The following MVB12B variants were observed in gnomAD, a reference collection of about 807,000 sequenced individuals.
MVB12B encodes multivesicular body subunit 12B, also known as ESCRT-I complex subunit MVB12B.
Under a neutral mutation model 41.6 loss-of-function variants are expected in MVB12B, and 16 were observed. That is an observed-to-expected ratio of 0.38 (90% CI 0.26 to 0.58). The LOEUF (loss-of-function observed/expected upper bound fraction) is 0.58. Ranked by LOEUF, MVB12B falls within the 20% of genes least tolerant of loss-of-function variation. The probability of loss-of-function intolerance (pLI) is 0.62; values close to 1 mark genes in which losing one functional copy is unlikely to be tolerated. For synonymous variants in MVB12B, 133 were observed against 139.7 expected (o/e 0.95, Z 0.34); for missense variants, 274 against 380.2 (o/e 0.72, Z 2.32).
At chr9:126,471,115 C>T (rs2119190699) in intron 7 of MVB12B, among the ~76,000 whole-genome samples, 1 of 152,218 alleles carries the variant, frequency 6.6e-6, no homozygotes, top group African/African-American at 2.4e-5. Context: ...AGAAGTGGGG[C>T]CTGGTCTAAA....
At chr9:126,466,252 T>C (rs1398219400) in intron 7 of MVB12B, among the ~76,000 whole-genome samples, 1 of 152,210 alleles carries the variant, frequency 6.6e-6, no homozygotes, top group Non-Finnish European at 1.5e-5. Flanking sequence ...TACCTGGGGA[T>C]GCTCGTGTTT....
At chr9:126,384,584 A>G (rs12348752) in intron 3 of MVB12B, among the ~76,000 whole-genome samples, 216 of 152,288 alleles carry the variant, frequency 1.4e-3, no homozygotes, top group African/African-American at 5.0e-3. Flanking sequence ...GCTGGAGTGC[A>G]GTGGCACAAT....
At chr9:126,365,220 A>ATTT (rs71377933) in intron 2 of MVB12B, among the ~76,000 whole-genome samples, 33,705 of 121,902 alleles carry the variant, frequency 0.28, 5,687 homozygotes, top group South Asian at 0.39. Context: ...CACCCAGCTA[A>ATTT]TTTTTTTTTT....
intron 7 of MVB12B, among the ~76,000 whole-genome samples, chr9:126,466,850 CAG>C (rs1833211561): frequency 6.6e-6 from 1 of 151,724 alleles, no homozygotes; most frequent in Admixed American, 6.6e-5. Context: ...TCTTTTGAGA[CAG>C]GGTCTGGCTC....
At chr9:126,345,210 A>G (rs1315033089) in intron 2 of MVB12B, among the ~76,000 whole-genome samples, 3 of 152,146 alleles carry the variant, frequency 2.0e-5, no homozygotes, top group Non-Finnish European at 4.4e-5. Context: ...GGCTGCCTTC[A>G]TCTTGCCTAC....
chr9:126,458,397 C>T (rs1833028529), intron 7 of MVB12B, among the ~76,000 whole-genome samples: 1 of 152,200 alleles, frequency 6.6e-6, no homozygotes, highest in Non-Finnish European at 1.5e-5. Context: ...CTCTGGGCTG[C>T]TCCTTTTGGG....
At chr9:126,432,088 C>A (rs1453222677) in intron 7 of MVB12B, among the ~76,000 whole-genome samples, 2 of 152,182 alleles carry the variant, frequency 1.3e-5, no homozygotes, top group Non-Finnish European at 2.9e-5. Flanking sequence ...ACATTCTGTC[C>A]AAACACTGCC....
At chr9:126,338,588 A>C (rs919502150) in intron 1 of MVB12B, among the ~76,000 whole-genome samples, 1 of 151,810 alleles carries the variant, frequency 6.6e-6, no homozygotes, top group Non-Finnish European at 1.5e-5. Flanking sequence ...AAAAAAAAAA[A>C]AACTTACCTC....
chr9:126,399,938 C>T (rs1406656427), intron 6 of MVB12B, among the ~76,000 whole-genome samples: 1 of 152,152 alleles, frequency 6.6e-6, no homozygotes, highest in East Asian at 1.9e-4. Flanking sequence ...GCGGAGAGGG[C>T]CCCCGAGGTT....
intron 6 of MVB12B, among the ~76,000 whole-genome samples, chr9:126,407,373 CACA>C (rs1228110415): frequency 1.3e-5 from 2 of 152,224 alleles, no homozygotes; most frequent in Non-Finnish European, 2.9e-5. Flanking sequence ...TCTCCCAGCA[CACA>C]ACGAGTGGGA....
chr9:126,502,383 C>T (rs973806611), intron 9 of MVB12B, among the ~76,000 whole-genome samples: 1 of 152,100 alleles, frequency 6.6e-6, no homozygotes, highest in Non-Finnish European at 1.5e-5. Flanking sequence ...GCTCCTAGCC[C>T]CCTCAGAGGT....
rs189859779 is a variant in MVB12B at position 126,504,529 on chromosome 9, G to T, written c.*1266G>T. 1 of 152,604 alleles carries T rather than the reference G, an allele frequency of 6.6e-6. No individual in the cohort carries two copies. Among genetic ancestry groups the T allele is most frequent in the Non-Finnish European group, 1.5e-5 (1 of 68,118 alleles). The allele number at this position is 152,604 out of a possible 1,614,324, so 9.5% of individuals were successfully genotyped here. ...CCGTGGAAGCCTCTGCCTCAGCGGG[G>T]ACGGCCTCCTGCTGCAGGTCCTGGG... On this transcript the variant is annotated 3_prime_UTR_variant, in exon 10 of 10. Transcript: ENST00000361171.
Position 126,376,635 on chromosome 9 carries a change from G to C in MVB12B, c.205-4429G>C. On this transcript the variant is annotated intron_variant, in intron 2 of 9. Transcript: ENST00000361171. This position sits in a 1 kb window ranked among gnomAD's most constrained non-coding sequence, Gnocchi z 4.1. ...GCTGGAAGCAAGAAGGAGGGTAAGC[G>C]CGGGTGGCAGGGAGGGGCCTGCCAT... 1 of 1,289,230 alleles carries C rather than the reference G, an allele frequency of 7.8e-7. No individual in the cohort carries two copies. Among genetic ancestry groups the C allele is most frequent in the Non-Finnish European group, 1.0e-6 (1 of 988,766 alleles). The allele number at this position is 1,289,230 out of a possible 1,614,324, so 79.9% of individuals were successfully genotyped here.
intron 6 of MVB12B, among the ~76,000 whole-genome samples, chr9:126,411,049 G>A (rs7023509): frequency 0.16 from 23,842 of 151,890 alleles, 2,108 homozygotes; most frequent in Middle Eastern, 0.27. Context: ...CACCACGCCC[G>A]GCTAATTTTT....
chr9:126,499,500 GT>G (rs1833906616), intron 9 of MVB12B, among the ~76,000 whole-genome samples: 1 of 152,214 alleles, frequency 6.6e-6, no homozygotes, highest in Non-Finnish European at 1.5e-5. Flanking sequence ...GGAGACTAAT[GT>G]CTTGAGTAAA....
At chr9:126,397,049 C>G (rs1220165385) in intron 6 of MVB12B, 1 of 985,414 alleles carries the variant, frequency 1.0e-6, no homozygotes, top group Non-Finnish European at 1.2e-6. Context: ...AGTCCATCAC[C>G]TGTGTGTCGG....
At chr9:126,476,170 T>C (rs1209695061) in intron 7 of MVB12B, among the ~76,000 whole-genome samples, 1 of 135,968 alleles carries the variant, frequency 7.4e-6, no homozygotes, top group African/African-American at 2.5e-5. Flanking sequence ...CAGTGGCTGC[T>C]GTGCGGCATC....
At chr9:126,449,675 C>T (rs1832856031) in intron 7 of MVB12B, among the ~76,000 whole-genome samples, 1 of 152,204 alleles carries the variant, frequency 6.6e-6, no homozygotes, top group Non-Finnish European at 1.5e-5. Context: ...TATGCTTAGG[C>T]TGGGGTGACT....
chr9:126,381,627 C>T (rs1044625722), intron 3 of MVB12B, among the ~76,000 whole-genome samples: 3 of 151,560 alleles, frequency 2.0e-5, no homozygotes, highest in African/African-American at 4.9e-5. Flanking sequence ...TATCACATTT[C>T]GTTATTTTTG....
Sources: allele counts gnomAD v4.1 joint callset (sites outside exome capture counted in the v4.1 genomes callset), GRCh38; gene constraint gnomAD v4.1.1; non-coding constraint Gnocchi (gnomAD v3.1); transcripts MANE v1.5; gene names NCBI Gene and HGNC (gene_info 2026-07-23, HGNC 2026-07-21).